The following MTCL2 variants were observed in gnomAD, a reference collection of about 807,000 sequenced individuals.
The protein encoded by MTCL2 is microtubule crosslinking factor 2.
At chr20:36,839,401 C>T in the MTCL2 span, 7 of 1,613,400 alleles carry the variant, frequency 4.3e-6, no homozygotes, top group African/African-American at 4.0e-5. This position sits in a 1 kb window ranked among gnomAD's most constrained non-coding sequence, Gnocchi z 5.1. Flanking sequence ...ATAGACGTCC[C>T]GCATCTCCAG....
At chr20:36,835,867 G>A in the MTCL2 span, among the ~76,000 whole-genome samples, 6 of 152,080 alleles carry the variant, frequency 3.9e-5, no homozygotes, top group Non-Finnish European at 5.9e-5. Context: ...CGCCGCCGCC[G>A]CTGCTCTAGC....
chr20:36,799,614 C>A, the MTCL2 span, among the ~76,000 whole-genome samples: 1 of 151,966 alleles, frequency 6.6e-6, no homozygotes, highest in East Asian at 1.9e-4. Flanking sequence ...GCCTGGGAGG[C>A]GGAGGTTGCA....
chr20:36,794,514 T>G, the MTCL2 span: 1 of 1,614,046 alleles, frequency 6.2e-7, no homozygotes, highest in South Asian at 1.1e-5. This position sits in a 1 kb window ranked among gnomAD's most constrained non-coding sequence, Gnocchi z 5.4. Context: ...TTAGGCAGCT[T>G]CTTGCCCCGG....
the MTCL2 span, among the ~76,000 whole-genome samples, chr20:36,846,442 G>A: frequency 6.6e-6 from 1 of 152,210 alleles, no homozygotes; most frequent in Non-Finnish European, 1.5e-5. Context: ...AGGAGCATGG[G>A]GGAGGATGGG....
chr20:36,789,948 GA>G, the MTCL2 span, among the ~76,000 whole-genome samples: 5 of 151,344 alleles, frequency 3.3e-5, no homozygotes, highest in Non-Finnish European at 5.9e-5. Flanking sequence ...CAAGTGGCTG[GA>G]ACTGTAAGCA....
chr20:36,851,956 T>C, the MTCL2 span, among the ~76,000 whole-genome samples: 1 of 152,192 alleles, frequency 6.6e-6, no homozygotes, highest in Non-Finnish European at 1.5e-5. Flanking sequence ...GTGAAGCTAA[T>C]GCCCATGGGT....
chr20:36,855,085 G>C, the MTCL2 span, among the ~76,000 whole-genome samples: 1 of 151,768 alleles, frequency 6.6e-6, no homozygotes, highest in Non-Finnish European at 1.5e-5. Context: ...CTTAACCTGG[G>C]GTCACGGGGG....
chr20:36,832,130 T>G, the MTCL2 span, among the ~76,000 whole-genome samples: 1 of 152,096 alleles, frequency 6.6e-6, no homozygotes, highest in African/African-American at 2.4e-5. Flanking sequence ...GTCCAACAAG[T>G]GAAAAGGGAG....
the MTCL2 span, chr20:36,815,456 C>G: frequency 6.2e-7 from 1 of 1,607,322 alleles, no homozygotes; most frequent in Admixed American, 1.7e-5. This position sits in a 1 kb window ranked among gnomAD's most constrained non-coding sequence, Gnocchi z 5.3. Context: ...CCTTACTGAC[C>G]AGGGCGGCCT....
chr20:36,788,021 T>C, the MTCL2 span, among the ~76,000 whole-genome samples: 1 of 147,754 alleles, frequency 6.8e-6, no homozygotes, highest in East Asian at 2.0e-4. Flanking sequence ...GCCAACATGG[T>C]GAAACCCCAT....
the MTCL2 span, among the ~76,000 whole-genome samples, chr20:36,841,789 C>A: frequency 3.9e-5 from 6 of 152,144 alleles, no homozygotes; most frequent in African/African-American, 1.2e-4. Context: ...ACCTCTGCCT[C>A]CCAGGCTCAA....
At chr20:36,846,971 A>T in the MTCL2 span, among the ~76,000 whole-genome samples, 1 of 152,138 alleles carries the variant, frequency 6.6e-6, no homozygotes, top group South Asian at 2.1e-4. Flanking sequence ...GATTGCAACA[A>T]TGCACTCCAG....
At chr20:36,786,350 T>G in the MTCL2 span, 1 of 1,335,790 alleles carries the variant, frequency 7.5e-7, no homozygotes, top group Non-Finnish European at 9.6e-7. Context: ...ATTCTGGCAG[T>G]GGCATCACTG....
the MTCL2 span, among the ~76,000 whole-genome samples, chr20:36,831,392 G>A: frequency 6.6e-6 from 1 of 152,202 alleles, no homozygotes; most frequent in African/African-American, 2.4e-5. Flanking sequence ...GGGTTTCCCA[G>A]GGGTGCCCAG....
At chr20:36,850,375 A>C in the MTCL2 span, among the ~76,000 whole-genome samples, 4 of 152,036 alleles carry the variant, frequency 2.6e-5, no homozygotes, top group African/African-American at 9.7e-5. Context: ...AAAATACAAA[A>C]AATTAGCCGG....
chr20:36,785,410 G>T, the MTCL2 span: 3 of 984,650 alleles, frequency 3.0e-6, no homozygotes, highest in Non-Finnish European at 3.6e-6. Context: ...ATTTATAGTA[G>T]GAAAAATTCA....
the MTCL2 span, among the ~76,000 whole-genome samples, chr20:36,837,294 C>T: frequency 3.3e-5 from 5 of 152,198 alleles, no homozygotes; most frequent in Non-Finnish European, 1.5e-5. Flanking sequence ...CAGACCAGAG[C>T]TTCCGAAGAC....
At chr20:36,792,246 G>A in the MTCL2 span, among the ~76,000 whole-genome samples, 1 of 152,162 alleles carries the variant, frequency 6.6e-6, no homozygotes, top group Non-Finnish European at 1.5e-5. Context: ...GGTGGCTCAC[G>A]CCTGTAATCC....
At chr20:36,850,385 G>A in the MTCL2 span, among the ~76,000 whole-genome samples, 1 of 152,008 alleles carries the variant, frequency 6.6e-6, no homozygotes, top group Non-Finnish European at 1.5e-5. Context: ...AAATTAGCCG[G>A]GCGTGGTGGT....
Sources: allele counts gnomAD v4.1 joint callset (sites outside exome capture counted in the v4.1 genomes callset), GRCh38; gene constraint gnomAD v4.1.1; non-coding constraint Gnocchi (gnomAD v3.1); transcripts MANE v1.5; gene names NCBI Gene and HGNC (gene_info 2026-07-23, HGNC 2026-07-21).